The following SLIT3 variants were observed in gnomAD, a reference collection of about 807,000 sequenced individuals.
SLIT3 encodes slit guidance ligand 3.
Under a neutral mutation model 184.0 loss-of-function variants are expected in SLIT3, and 68 were observed. That is an observed-to-expected ratio of 0.37 (90% CI 0.30 to 0.45). The LOEUF (loss-of-function observed/expected upper bound fraction) is 0.45, where lower values mean the gene tolerates loss of function less well. Ranked by LOEUF, SLIT3 falls within the 20% of genes least tolerant of loss-of-function variation. SLIT3 has a pLI of 1.00. For synonymous variants in SLIT3, 831 were observed against 828.6 expected (o/e 1.00, Z -0.05); for missense variants, 1,707 against 2,026.0 (o/e 0.84, Z 3.02).
At chr5:169,166,958 GGAGTTTGAGAAAAGCCT>G (rs1314247164) in intron 4 of SLIT3, among the ~76,000 whole-genome samples, 1 of 152,116 alleles carries the variant, frequency 6.6e-6, no homozygotes, top group East Asian at 1.9e-4. Context: ...CTTGAGGCCA[GGAGTTTGAGAAAAGCCT>G]GAGCAAACTA....
intron 4 of SLIT3, among the ~76,000 whole-genome samples, chr5:169,093,736 T>G (rs1176501576): frequency 6.6e-6 from 1 of 152,188 alleles, no homozygotes; most frequent in African/African-American, 2.4e-5. Flanking sequence ...GATTATAAGC[T>G]GATGCTCCAT....
chr5:168,944,875 G>C (rs1025332986), intron 4 of SLIT3, among the ~76,000 whole-genome samples: 3 of 152,100 alleles, frequency 2.0e-5, no homozygotes, highest in African/African-American at 4.8e-5. Flanking sequence ...TTACTCTGAG[G>C]TAAGAACAGT....
At chr5:169,284,130 C>T (rs1260059211) in intron 1 of SLIT3, among the ~76,000 whole-genome samples, 2 of 152,200 alleles carry the variant, frequency 1.3e-5, no homozygotes, top group Non-Finnish European at 2.9e-5. Context: ...CATGTTTGCC[C>T]ACGGCTGCAC....
rs540959796 is a variant in SLIT3, at chr5:169,178,575, G to A, written c.413+14904C>T. Among the ~76,000 whole-genome samples, 29 of 152,116 alleles carry A rather than the reference G, an allele frequency of 1.9e-4. No individual in the cohort carries two copies. In the South Asian group the frequency reaches 4.4e-3, roughly 23 times the overall value. ...GACTAAAACAAACCTGAGATATACC[G>A]CACCCCACCACACACACACGATTCT... On this transcript the variant is annotated intron_variant, in intron 4 of 35. Coordinates refer to ENST00000519560, the MANE Select transcript of SLIT3 (RefSeq NM_003062.4).
intron 20 of SLIT3, among the ~76,000 whole-genome samples, chr5:168,740,023 G>A (rs1763572134): frequency 1.3e-5 from 2 of 152,146 alleles, no homozygotes; most frequent in Non-Finnish European, 2.9e-5. Context: ...CATTTTCTCA[G>A]TGTTAGTAAT....
intron 3 of SLIT3, among the ~76,000 whole-genome samples, chr5:169,203,101 G>A (rs75603117): frequency 6.6e-6 from 1 of 152,118 alleles, no homozygotes; most frequent in Admixed American, 6.5e-5. Context: ...GGGCCAAAAG[G>A]CACTGTGAGT....
At chr5:169,109,195 C>T (rs1760323496) in intron 4 of SLIT3, among the ~76,000 whole-genome samples, 1 of 152,178 alleles carries the variant, frequency 6.6e-6, no homozygotes, top group African/African-American at 2.4e-5. Context: ...GATTAGGTTG[C>T]ATGAGACTCT....
rs930807772 is a variant in SLIT3 at position 168,665,523 on chromosome 5, C to G, written c.*931G>C. 3.1e-4 allele frequency: 47 copies of G among 152,364 alleles called. No homozygotes were observed. Among genetic ancestry groups the G allele is most frequent in the African/African-American group, 1.1e-3 (47 of 41,566 alleles). 9.4% of individuals were successfully genotyped at this position (152,364 alleles called of 1,614,324 possible). ...CCAGTGCATGGGTCCTGAGGAGACA[C>G]CATGATATTCTCTTCCCTCGCCTCC... On this transcript the variant is annotated 3_prime_UTR_variant, in exon 36 of 36. Transcript: ENST00000519560.
At chr5:168,907,945 T>TAC in intron 4 of SLIT3, among the ~76,000 whole-genome samples, 1 of 47,166 alleles carries the variant, frequency 2.1e-5, no homozygotes, top group Non-Finnish European at 3.7e-5. Flanking sequence ...ATTATACGTG[T>TAC]ATATATATAT....
chr5:168,826,823 G>A (rs1757721994), intron 6 of SLIT3, among the ~76,000 whole-genome samples: 1 of 152,188 alleles, frequency 6.6e-6, no homozygotes, highest in Non-Finnish European at 1.5e-5. Context: ...GGGTAGTGGT[G>A]TGATCTCGGC....
Position 168,722,173 on chromosome 5 carries a change from G to A in SLIT3, c.2483+83C>T, listed in dbSNP as rs183845356. ...GGGGGTGGAGTGGGCTTTGGGCAGA[G>A]AGTGGGGAAGGGGAGTGCTTAGTCT... On this transcript the variant is annotated intron_variant, in intron 23 of 35. Coordinates refer to ENST00000519560, the MANE Select transcript of SLIT3 (RefSeq NM_003062.4). 4,836 of 1,246,744 alleles carry A rather than the reference G, an allele frequency of 3.9e-3. 15 individuals carry two copies. Among genetic ancestry groups the A allele is most frequent in the Non-Finnish European group, 4.9e-3 (4,191 of 855,804 alleles). 77.2% of individuals were successfully genotyped at this position (1,246,744 alleles called of 1,614,324 possible).
intron 32 of SLIT3, among the ~76,000 whole-genome samples, chr5:168,676,190 C>CATCCTTCA (rs1761406003): frequency 6.8e-6 from 1 of 146,710 alleles, no homozygotes; most frequent in African/African-American, 2.5e-5. Flanking sequence ...TCCATCCATC[C>CATCCTTCA]ATCCTTCATC....
At chr5:169,155,517 G>T (rs1762273121) in intron 4 of SLIT3, among the ~76,000 whole-genome samples, 1 of 152,168 alleles carries the variant, frequency 6.6e-6, no homozygotes, top group Admixed American at 6.5e-5. Flanking sequence ...AATATAAAGA[G>T]ATCTCAATTC....
rs756130081 is a variant in SLIT3 at position 168,748,438 on chromosome 5, T to C, written c.2138-4A>G. ...TGGCAGCTACTCTCCTCGTTGCCTG[T>C]GGAGAGCCCCAGAGAGGGTGAGGGT... On this transcript the variant is annotated splice_region_variant and splice_polypyrimidine_tract_variant and intron_variant, in intron 19 of 35. Coordinates refer to ENST00000519560, the MANE Select transcript of SLIT3 (RefSeq NM_003062.4). 3 of 1,522,988 alleles carry C rather than the reference T, an allele frequency of 2.0e-6. No individual in the cohort carries two copies. Among genetic ancestry groups the C allele is most frequent in the South Asian group, 2.6e-5 (2 of 77,038 alleles). The allele number at this position is 1,522,988 out of a possible 1,614,324, so 94.3% of individuals were successfully genotyped here. A position where few individuals can be genotyped will look rare whatever the true frequency, so the allele number is the denominator to read the frequency against.
chr5:169,129,422 G>A (rs1319867139), intron 4 of SLIT3, among the ~76,000 whole-genome samples: 2 of 152,048 alleles, frequency 1.3e-5, no homozygotes, highest in African/African-American at 4.8e-5. Flanking sequence ...TGTGGTGGTG[G>A]GCGCCTGTAA....
chr5:168,748,352 G>A lies in SLIT3; in HGVS notation c.2220C>T (p.Asn740=), dbSNP rs780071180. ...CTCTGGGGAGGGCGCGGAGCCCCTTGTTGCTGCATCGCACCACTGTCTCCA... is the reference window on the plus strand; with the variant it reads ...CTCTGGGGAGGGCGCGGAGCCCCTTATTGCTGCATCGCACCACTGTCTCCA... ...TCMETVVRCS[N]KGLRALPRGM... The change falls in exon 20 of 36, where the codon AAC becomes AAT. Residue 740 remains asparagine, a synonymous_variant. Transcript: ENST00000519560. 1.3e-6 allele frequency: 2 copies of A among 1,499,918 alleles called. No homozygotes were observed. The highest frequency in any genetic ancestry group is 2.8e-5 in the Admixed American group (1 of 36,090). 92.9% of individuals were successfully genotyped at this position (1,499,918 alleles called of 1,614,324 possible).
rs1764563505 is a variant in SLIT3 at position 169,219,816 on chromosome 5, C to T, written c.341+24889G>A. 1.3e-5 allele frequency among the ~76,000 whole-genome samples: 2 copies of T among 152,308 alleles called. 1 individual carries two copies. The highest frequency in any genetic ancestry group is 6.8e-3 in the Middle Eastern group (2 of 294). ...CCCAAGTATAAAGACAGGCATCTGT[C>T]AACAAAGGAACATGATCATAGCTGA... On this transcript the variant is annotated intron_variant, in intron 3 of 35. Coordinates refer to ENST00000519560, the MANE Select transcript of SLIT3 (RefSeq NM_003062.4).
rs750159958 is a variant in SLIT3, at chr5:169,264,640, C to T, written c.198-13181G>A. On this transcript the variant is annotated intron_variant, in intron 1 of 35. Transcript: ENST00000519560. ...AGAGAAACAGCATGTGTTTGAAAACCATCAAATCACCTTCCTACCAGGTCA... is the reference window on the plus strand; with the variant it reads ...AGAGAAACAGCATGTGTTTGAAAACTATCAAATCACCTTCCTACCAGGTCA... 2.6e-4 allele frequency among the ~76,000 whole-genome samples: 40 copies of T among 152,120 alleles called. 1 individual carries two copies. Among genetic ancestry groups the T allele is most frequent in the South Asian group, 8.3e-4 (4 of 4,820 alleles).
intron 11 of SLIT3, among the ~76,000 whole-genome samples, chr5:168,788,774 G>A (rs995505520): frequency 6.6e-6 from 1 of 152,034 alleles, no homozygotes; most frequent in Non-Finnish European, 1.5e-5. Flanking sequence ...GACTAAACTT[G>A]ACAGACTCCT....
Sources: gnomAD v4.1 joint callset for allele counts (sites outside exome capture counted in the v4.1 genomes callset) on GRCh38, gnomAD v4.1.1 for gene constraint, MANE v1.5 for transcripts, NCBI Gene and HGNC (gene_info 2026-07-23, HGNC 2026-07-21) for gene names.